The following CTNNA3 variants were observed in gnomAD, a reference collection of about 807,000 sequenced individuals.
CTNNA3 encodes the protein catenin alpha 3.
In CTNNA3, 76 loss-of-function variants were observed where a neutral mutation model predicts 95.7. The observed-to-expected ratio is 0.79, with a 90% CI of 0.66 to 0.96. CTNNA3 has a LOEUF of 0.96. CTNNA3 is among the 40% of genes least tolerant of loss of function. The pLI is 0.00. For synonymous variants in CTNNA3, 431 were observed against 374.4 expected (o/e 1.15, Z -1.74); for missense variants, 1,191 against 1,089.8 (o/e 1.09, Z -1.31).
At chr10:67,003,085 C>A (rs1164485463) in intron 7 of CTNNA3, among the ~76,000 whole-genome samples, 1 of 152,120 alleles carries the variant, frequency 6.6e-6, no homozygotes, top group African/African-American at 2.4e-5. Flanking sequence ...CTTTTAGCTA[C>A]AACACTCAAA....
At chr10:67,577,318 T>C (rs1384195637) in intron 3 of CTNNA3, among the ~76,000 whole-genome samples, 1 of 152,214 alleles carries the variant, frequency 6.6e-6, no homozygotes, top group South Asian at 2.1e-4. Context: ...TTTGGCTGCA[T>C]AAATGTCTTC....
intron 7 of CTNNA3, among the ~76,000 whole-genome samples, chr10:67,172,768 G>T (rs1031790910): frequency 2.0e-5 from 3 of 152,110 alleles, no homozygotes; most frequent in African/African-American, 7.2e-5. Flanking sequence ...GAGGTCAGGA[G>T]TTCAAGACCA....
At chr10:66,700,349 T>G (rs920136364) in intron 9 of CTNNA3, among the ~76,000 whole-genome samples, 19 of 151,170 alleles carry the variant, frequency 1.3e-4, no homozygotes, top group African/African-American at 4.6e-4. Context: ...TCTTTGCCTG[T>G]GGATATCCAG....
At chr10:66,550,922 C>T (rs1404255192) in intron 10 of CTNNA3, among the ~76,000 whole-genome samples, 2 of 151,834 alleles carry the variant, frequency 1.3e-5, no homozygotes, top group Non-Finnish European at 2.9e-5. Context: ...AATGCTGCTA[C>T]TTTATAAATC....
intron 10 of CTNNA3, among the ~76,000 whole-genome samples, chr10:66,528,475 C>T (rs1252934367): frequency 2.0e-5 from 3 of 152,114 alleles, no homozygotes; most frequent in Non-Finnish European, 4.4e-5. Flanking sequence ...GTATTAGAAG[C>T]TTGTATTTAC....
intron 10 of CTNNA3, among the ~76,000 whole-genome samples, chr10:66,529,016 T>A (rs145221555): frequency 3.7e-4 from 57 of 152,288 alleles, no homozygotes; most frequent in African/African-American, 1.3e-3. Flanking sequence ...AAAATTAGTA[T>A]CTAGTTGGTT....
intron 11 of CTNNA3, among the ~76,000 whole-genome samples, chr10:66,494,544 G>A (rs1840038165): frequency 6.6e-6 from 1 of 152,172 alleles, no homozygotes. Flanking sequence ...TAGCAAAGAA[G>A]TATGACATTG....
At chr10:67,644,155 G>A (rs1466298293) in intron 2 of CTNNA3, among the ~76,000 whole-genome samples, 1 of 152,176 alleles carries the variant, frequency 6.6e-6, no homozygotes. Context: ...CACCAACAGT[G>A]TAAAAGCATT....
intron 11 of CTNNA3, among the ~76,000 whole-genome samples, chr10:66,500,957 A>ATATTCTACT (rs1434111706): frequency 6.6e-6 from 1 of 152,178 alleles, no homozygotes; most frequent in Non-Finnish European, 1.5e-5. Flanking sequence ...TTTAATAGTT[A>ATATTCTACT]TATTCTACTG....
Position 67,612,331 on chromosome 10 carries a change from T to C in CTNNA3, c.100-5282A>G, listed in dbSNP as rs190116876. On this transcript the variant is annotated intron_variant, in intron 2 of 17. Transcript: ENST00000433211. ...GCAGAATGATAACTGTTTACACTTA[T>C]ATAAGTACAAAGAAAGTGCTGCCAA... Among the ~76,000 whole-genome samples, 306 of 152,270 alleles carry C rather than the reference T, an allele frequency of 2.0e-3. 5 individuals carry two copies. Among genetic ancestry groups the C allele is most frequent in the South Asian group, 8.3e-4 (4 of 4,826 alleles).
At chr10:65,972,494 G>C (rs1448434663) in intron 16 of CTNNA3, among the ~76,000 whole-genome samples, 9 of 151,954 alleles carry the variant, frequency 5.9e-5, no homozygotes, top group Non-Finnish European at 1.2e-4. Flanking sequence ...TAATTTTTTA[G>C]GATACAAAAT....
At chr10:67,720,583 G>T (rs879832634) in intron 1 of CTNNA3, among the ~76,000 whole-genome samples, 1 of 152,074 alleles carries the variant, frequency 6.6e-6, no homozygotes, top group African/African-American at 2.4e-5. Flanking sequence ...TTGCTTGTCT[G>T]TAAAGGATTT....
chr10:66,815,372 G>A (rs751395864), intron 7 of CTNNA3, among the ~76,000 whole-genome samples: 24 of 152,110 alleles, frequency 1.6e-4, no homozygotes, highest in Non-Finnish European at 2.9e-4. Context: ...AATTCACTTC[G>A]CTGGTGAGAA....
Position 67,539,495 on chromosome 10 carries a change from T to C in CTNNA3, c.459+8A>G, listed in dbSNP as rs1448112143. On this transcript the variant is annotated splice_region_variant and intron_variant, in intron 4 of 17. Coordinates refer to ENST00000433211, the MANE Select transcript of CTNNA3 (RefSeq NM_013266.4). ...ATGCCAAGGTAAACTAAGCCATCTT[T>C]TACTTACAGCTGACACATGTTGCAA... 3 of 1,612,554 alleles carry C rather than the reference T, an allele frequency of 1.9e-6. No individual in the cohort carries two copies. The highest frequency in any genetic ancestry group is 1.7e-6 in the Non-Finnish European group (2 of 1,178,908).
intron 9 of CTNNA3, among the ~76,000 whole-genome samples, chr10:66,679,453 AGTCT>A: frequency 6.6e-6 from 1 of 152,318 alleles, no homozygotes; most frequent in East Asian, 1.9e-4. Context: ...TATATGGAGA[AGTCT>A]GTTGGGAGGT....
intron 7 of CTNNA3, among the ~76,000 whole-genome samples, chr10:66,946,541 A>G (rs1848284896): frequency 1.3e-5 from 2 of 152,118 alleles, no homozygotes; most frequent in Admixed American, 1.3e-4. Flanking sequence ...AGTTCTTCCA[A>G]TCACTATTCC....
intron 12 of CTNNA3, among the ~76,000 whole-genome samples, chr10:66,354,343 T>A (rs1214405293): frequency 6.6e-6 from 1 of 150,816 alleles, no homozygotes; most frequent in Non-Finnish European, 1.5e-5. Context: ...CCCTTGTTAG[T>A]CTGTGTCTAA....
chr10:67,763,086 C>T (rs974366015), intron 1 of CTNNA3, among the ~76,000 whole-genome samples: 2 of 151,996 alleles, frequency 1.3e-5, no homozygotes, highest in African/African-American at 2.4e-5. Context: ...AGTCCTGCTA[C>T]GTAGGTACAA....
chr10:66,360,670 C>CTTTCTTTCTTTCTTTCTTTCTTTCTTT (rs1564896378), intron 12 of CTNNA3, among the ~76,000 whole-genome samples: 8 of 51,514 alleles, frequency 1.6e-4, no homozygotes, highest in Non-Finnish European at 3.0e-4. Flanking sequence ...TTCCTTCCTT[C>CTTTCTTTCTTTCTTTCTTTCTTTCTTT]CTTCCTTCCT....
Sources: allele counts gnomAD v4.1 joint callset (sites outside exome capture counted in the v4.1 genomes callset), GRCh38; gene constraint gnomAD v4.1.1; transcripts MANE v1.5; gene names NCBI Gene and HGNC (gene_info 2026-07-23, HGNC 2026-07-21).